Variants in SLC24A2 observed in about 807,000 individuals in gnomAD.
SLC24A2 encodes the protein solute carrier family 24 member 2.
SLC24A2 carries 36 observed loss-of-function variants against 62.0 expected under a neutral mutation model. That is an observed-to-expected ratio of 0.58 (90% CI 0.44 to 0.77). The LOEUF is 0.77. SLC24A2 is among the 30% of genes least tolerant of loss of function. SLC24A2 has a pLI of 0.00. For missense variants in SLC24A2, 846 were observed against 817.9 expected (o/e 1.03, Z -0.42); for synonymous variants, 358 against 294.0 (o/e 1.22, Z -2.23).
At chr9:19,539,532 T>A (rs1834151079) in intron 8 of SLC24A2, among the ~76,000 whole-genome samples, 2 of 138,750 alleles carry the variant, frequency 1.4e-5, no homozygotes, top group Non-Finnish European at 3.1e-5. Flanking sequence ...AGATTCTTAA[T>A]CCTGAGTTCT....
At chr9:19,904,407 C>G in the SLC24A2 span, among the ~76,000 whole-genome samples, 168 of 152,168 alleles carry the variant, frequency 1.1e-3, 1 homozygote, top group African/African-American at 3.9e-3. Flanking sequence ...ATGTGAAGAC[C>G]AAGAATTATA....
chr9:20,205,084 T>C, the SLC24A2 span, among the ~76,000 whole-genome samples: 2 of 152,116 alleles, frequency 1.3e-5, no homozygotes, highest in Admixed American at 6.5e-5. Flanking sequence ...TTCAGTTGAA[T>C]TGCTGAATGC....
chr9:19,914,376 C>T, the SLC24A2 span, among the ~76,000 whole-genome samples: 1 of 151,988 alleles, frequency 6.6e-6, no homozygotes, highest in African/African-American at 2.4e-5. Flanking sequence ...AACCCATACA[C>T]CTTATACAAA....
At chr9:19,847,021 C>G in the SLC24A2 span, among the ~76,000 whole-genome samples, 2 of 151,750 alleles carry the variant, frequency 1.3e-5, no homozygotes, top group African/African-American at 4.8e-5. Context: ...AATCCAGTCT[C>G]TTAAAAAAAA....
chr9:19,550,265 C>T lies in SLC24A2; in HGVS notation c.1351G>A (p.Ala451Thr), dbSNP rs762666179. 5.3e-5 allele frequency: 86 copies of T among 1,613,694 alleles called. No individual in the cohort carries two copies. Among genetic ancestry groups the T allele is most frequent in the African/African-American group, 1.7e-4 (13 of 74,856 alleles). The change falls in exon 8 of 11, where the codon GCT becomes ACT. Residue 451 changes from alanine (A) to threonine (T), a missense_variant. Ala to Thr is a moderately conservative substitution (Grantham distance 58). Coordinates refer to ENST00000341998, the MANE Select transcript of SLC24A2 (RefSeq NM_020344.4). The part of the protein sequence containing the change: ...HNIEGAEAQT[A>T]DEEEDQPLSL... ...AGAGGCTGGTCCTCCTCCTCATCAGCGGTCTGTGGTAGAAAAAGAGGTAAA... is the reference window on the plus strand; with the variant it reads ...AGAGGCTGGTCCTCCTCCTCATCAGTGGTCTGTGGTAGAAAAAGAGGTAAA...
chr9:19,856,596 G>A, the SLC24A2 span, among the ~76,000 whole-genome samples: 3 of 152,052 alleles, frequency 2.0e-5, no homozygotes, highest in Non-Finnish European at 4.4e-5. Flanking sequence ...ATTCATCTGG[G>A]TCCCTCTTGC....
chr9:19,634,195 G>A (rs983863047), intron 2 of SLC24A2, among the ~76,000 whole-genome samples: 2 of 151,656 alleles, frequency 1.3e-5, no homozygotes, highest in Non-Finnish European at 2.9e-5. Flanking sequence ...GGCTGAGTGA[G>A]GTTAACTAAC....
the SLC24A2 span, among the ~76,000 whole-genome samples, chr9:19,971,500 C>T: frequency 1.3e-5 from 2 of 152,168 alleles, no homozygotes; most frequent in Admixed American, 6.5e-5. Context: ...CACTTCCAGG[C>T]AGGGGAAGGA....
the SLC24A2 span, among the ~76,000 whole-genome samples, chr9:20,189,243 C>G: frequency 0.021 from 3,251 of 152,124 alleles, 119 homozygotes; most frequent in African/African-American, 0.075. Flanking sequence ...AATGCTCTCC[C>G]AAAGGCATTT....
chr9:19,537,897 TCTC>T (rs1250093614), intron 8 of SLC24A2, among the ~76,000 whole-genome samples: 1 of 15,400 alleles, frequency 6.5e-5, no homozygotes, highest in Admixed American at 9.4e-4. Context: ...GGTTTGTAGT[TCTC>T]CTTGAAGAGG....
chr9:19,909,045 T>C, the SLC24A2 span, among the ~76,000 whole-genome samples: 4 of 152,206 alleles, frequency 2.6e-5, no homozygotes, highest in African/African-American at 4.8e-5. Context: ...ATGTTTATTG[T>C]GGCACTATTC....
At chr9:20,151,778 T>A in the SLC24A2 span, among the ~76,000 whole-genome samples, 1 of 151,722 alleles carries the variant, frequency 6.6e-6, no homozygotes, top group Admixed American at 6.6e-5. Flanking sequence ...TCTGGTTCAC[T>A]TTCATCTTTT....
chr9:20,215,600 A>G, the SLC24A2 span, among the ~76,000 whole-genome samples: 1 of 152,174 alleles, frequency 6.6e-6, no homozygotes, highest in Non-Finnish European at 1.5e-5. Context: ...AGGACTTCTT[A>G]TATACACTTA....
chr9:19,763,410 T>C (rs908284228), intron 2 of SLC24A2, among the ~76,000 whole-genome samples: 2 of 152,246 alleles, frequency 1.3e-5, no homozygotes, highest in African/African-American at 4.8e-5. Flanking sequence ...TCAAAGGGAA[T>C]GCTTCCAGCT....
the SLC24A2 span, among the ~76,000 whole-genome samples, chr9:20,276,270 GC>G: frequency 6.6e-6 from 1 of 152,204 alleles, no homozygotes; most frequent in Non-Finnish European, 1.5e-5. Flanking sequence ...GGTAAATGCA[GC>G]CATTCCAAAT....
the SLC24A2 span, among the ~76,000 whole-genome samples, chr9:20,148,497 A>G: frequency 1.9e-4 from 29 of 152,202 alleles, no homozygotes; most frequent in Middle Eastern, 3.4e-3. Context: ...TGACTACTTT[A>G]AAAGAAGATG....
chr9:19,569,437 T>C (rs1835776381), intron 7 of SLC24A2, among the ~76,000 whole-genome samples: 1 of 152,176 alleles, frequency 6.6e-6, no homozygotes, highest in Admixed American at 6.5e-5. Context: ...CTCTAAATCT[T>C]CTGCAGCTTC....
chr9:20,137,311 A>C, the SLC24A2 span, among the ~76,000 whole-genome samples: 1 of 152,204 alleles, frequency 6.6e-6, no homozygotes, highest in Non-Finnish European at 1.5e-5. Context: ...ATGTGTCTCC[A>C]CTGCTCAATA....
chr9:19,759,006 G>A (rs13296551), intron 2 of SLC24A2, among the ~76,000 whole-genome samples: 31,450 of 152,094 alleles, frequency 0.21, 3,565 homozygotes, highest in South Asian at 0.3. Flanking sequence ...AGATTGCACA[G>A]CAATCAGTAT....
Sources: gnomAD v4.1 joint callset for allele counts (sites outside exome capture counted in the v4.1 genomes callset) on GRCh38, gnomAD v4.1.1 for gene constraint, MANE v1.5 for transcripts, NCBI Gene and HGNC (gene_info 2026-07-23, HGNC 2026-07-21) for gene names.